SIGLECL1: variants seen among roughly 807,000 people sequenced by gnomAD.
SIGLECL1 encodes the protein SIGLEC family-like protein 1.
In SIGLECL1, 16 loss-of-function variants were observed where a neutral mutation model predicts 19.1. The observed-to-expected ratio is 0.84, with a 90% CI of 0.57 to 1.27. SIGLECL1 has a LOEUF of 1.27. Ranked by LOEUF, SIGLECL1 falls within the 50% of genes most tolerant of loss-of-function variation. The probability of loss-of-function intolerance (pLI) is 0.00; values close to 1 mark genes in which losing one functional copy is unlikely to be tolerated. For missense variants in SIGLECL1, 210 were observed against 239.4 expected, an observed-to-expected ratio of 0.88 and a Z score of 0.81; for synonymous variants, 89 against 90.4, an observed-to-expected ratio of 0.98 and a Z score of 0.09.
At position 51,255,607 on chromosome 19, in the gene SIGLECL1, C is replaced by A. The variant is rs373344673; in HGVS notation, c.-191+4062C>A. On this transcript the variant is annotated intron_variant, in intron 1 of 5. Transcript: ENST00000601727. ...ACTCAATAGCAAAAAAATCAAATAACCCAATTAAAAAATGGGCAAGGACCT... is the reference window on the plus strand; with the variant it reads ...ACTCAATAGCAAAAAAATCAAATAAACCAATTAAAAAATGGGCAAGGACCT... Among the ~76,000 whole-genome samples, 286 of 152,142 alleles carry A rather than the reference C, an allele frequency of 1.9e-3. 4 individuals are homozygous for A. In the Middle Eastern group the frequency reaches 0.024, roughly 13 times the overall value.
intron 1 of SIGLECL1, among the ~76,000 whole-genome samples, chr19:51,251,972 T>C (rs1340108841): frequency 6.6e-6 from 1 of 151,874 alleles, no homozygotes; most frequent in Non-Finnish European, 1.5e-5. Flanking sequence ...TTGAGAGACA[T>C]GATGGTGAAG....
chr19:51,248,867 T>A (rs1205470188), upstream of SIGLECL1, among the ~76,000 whole-genome samples: 1 of 152,196 alleles, frequency 6.6e-6, no homozygotes, highest in Non-Finnish European at 1.5e-5. Context: ...TGGTTAAGCC[T>A]AAGTTTCATT....
chr19:51,261,162 T>C (rs1043360888), intron 1 of SIGLECL1, among the ~76,000 whole-genome samples: 2 of 152,252 alleles, frequency 1.3e-5, no homozygotes, highest in African/African-American at 4.8e-5. Flanking sequence ...TTAGGAGATA[T>C]GCCATTCTAT....
Position 51,266,514 on chromosome 19 carries a change from T to TAA in SIGLECL1, c.410+648_410+649dup, listed in dbSNP as rs34989367. On this transcript the variant is annotated intron_variant, in intron 4 of 5. Transcript: ENST00000601727. ...ATGTATAAACAAATATTCCAAAATC[T>TAA]AAAAAAAAAAAAAAAAATTGAAATC... Among the ~76,000 whole-genome samples the TAA allele has an allele frequency of 3.9e-3, 542 of 137,278 alleles. 3 individuals are homozygous for TAA. Among genetic ancestry groups the TAA allele is most frequent in the African/African-American group, 0.013 (501 of 38,404 alleles). The allele number at this position is 137,278 out of a possible 152,430, so 90.1% of individuals were successfully genotyped here.
chr19:51,268,663 T>G lies in SIGLECL1; in HGVS notation c.*66T>G. On this transcript the variant is annotated 3_prime_UTR_variant, in exon 6 of 6. Transcript: ENST00000601727. Reference sequence around the variant, plus strand: ...CTGGAATTACAAAGATCTGCAAAATTTATAGCGCTCACAGAAACCCTGGAG... The same window carrying G: ...CTGGAATTACAAAGATCTGCAAAATGTATAGCGCTCACAGAAACCCTGGAG... The G allele has an allele frequency of 6.5e-7, 1 of 1,538,732 alleles. No homozygotes were observed. Among genetic ancestry groups the G allele is most frequent in the African/African-American group, 1.4e-5 (1 of 72,546 alleles).
At chr19:51,247,284 T>C (rs1045396500), upstream of SIGLECL1, among the ~76,000 whole-genome samples, 2 of 152,198 alleles carry the variant, frequency 1.3e-5, no homozygotes, top group Non-Finnish European at 2.9e-5. Context: ...TTGTCAGGTG[T>C]CTATCAGGGT....
At chr19:51,248,280 A>G (rs766762563), upstream of SIGLECL1, among the ~76,000 whole-genome samples, 22 of 152,214 alleles carry the variant, frequency 1.4e-4, no homozygotes, top group Admixed American at 3.9e-4. Context: ...CTTGTGTGCT[A>G]TTTAAACATT....
At position 51,267,514 on chromosome 19, in the gene SIGLECL1, TGA is replaced by T; in HGVS notation, c.556_557del (p.Ser186ProfsTer8). ...GAAAACCCGTAGTCGCCACATTTTC[TGA>T]GAGCCGGATATTGGTATGTACCTAT... ...PGKPVVATFSESRILEKQDKR... is the reference protein window; with the variant it reads ...PGKPVVATFSXSRILEKQDKR... On this transcript the variant is annotated frameshift_variant, in exon 5 of 6. Transcript: ENST00000601727. LOFTEE classifies it low-confidence loss of function (END_TRUNC). 3 of 1,614,226 alleles carry T rather than the reference TGA, an allele frequency of 1.9e-6. No homozygotes were observed. The highest frequency in any genetic ancestry group is 2.2e-5 in the East Asian group (1 of 44,882).
intron 1 of SIGLECL1, among the ~76,000 whole-genome samples, chr19:51,257,221 A>C (rs945412692): frequency 6.6e-6 from 1 of 152,062 alleles, no homozygotes; most frequent in South Asian, 2.1e-4. Flanking sequence ...AGCCTGGGCA[A>C]CATAACAAGA....
At chr19:51,246,473 A>C (rs185057903), upstream of SIGLECL1, 1 of 152,182 alleles carries the variant, frequency 6.6e-6, no homozygotes, top group Non-Finnish European at 1.5e-5. Flanking sequence ...TTGGGGCTGG[A>C]TAATTCTTTG....
intron 4 of SIGLECL1, 72 bp downstream of exon 4, chr19:51,265,954 G>A (rs1337931549): frequency 1.3e-6 from 2 of 1,496,244 alleles, no homozygotes; most frequent in Non-Finnish European, 1.9e-6. Context: ...CTGGCACAGA[G>A]AGAGCAAAGA....
intron 1 of SIGLECL1, among the ~76,000 whole-genome samples, chr19:51,252,601 T>C (rs531341639): frequency 7.6e-4 from 115 of 151,878 alleles, no homozygotes; most frequent in African/African-American, 2.7e-3. Context: ...GAAAAAAAAA[T>C]TGACAATGCA....
chr19:51,265,625 GCTTTGAGCATC>G lies in SIGLECL1; in HGVS notation c.283_293del (p.Leu95ThrfsTer61), dbSNP rs755290333. The G allele has an allele frequency of 4.3e-6, 7 of 1,614,058 alleles. No homozygotes were observed. In the Admixed American group the frequency reaches 1.0e-4, roughly 23 times the overall value. On this transcript the variant is annotated frameshift_variant, in exon 3 of 6. Transcript: ENST00000601727. LOFTEE classifies it high-confidence loss of function. The stretch of plus-strand genomic sequence containing the variant: ...GGGGAAGAACCAAAACGGAACCCAT[GCTTTGAGCATC>G]CTACTGATGTCAAGTGAGGGTGGAG...
chr19:51,252,027 G>A (rs559941477), intron 1 of SIGLECL1, among the ~76,000 whole-genome samples: 29 of 152,344 alleles, frequency 1.9e-4, no homozygotes, highest in African/African-American at 7.0e-4. Flanking sequence ...GCTGGGCGCA[G>A]TGGCTCACGT....
At chr19:51,249,804 G>A (rs924202935), upstream of SIGLECL1, among the ~76,000 whole-genome samples, 5 of 152,168 alleles carry the variant, frequency 3.3e-5, no homozygotes, top group Non-Finnish European at 5.9e-5. Flanking sequence ...ATAGAGTAAC[G>A]TGGAAGCAAG....
chr19:51,259,593 G>C (rs990353910), intron 1 of SIGLECL1, among the ~76,000 whole-genome samples: 1 of 152,238 alleles, frequency 6.6e-6, no homozygotes, highest in Non-Finnish European at 1.5e-5. Context: ...CCAATGGAGA[G>C]ACAACTAGCT....
chr19:51,252,338 G>C (rs570168341), intron 1 of SIGLECL1, among the ~76,000 whole-genome samples: 17 of 151,962 alleles, frequency 1.1e-4, no homozygotes, highest in African/African-American at 4.1e-4. Flanking sequence ...AAATATAATG[G>C]GTGCATGACG....
At chr19:51,263,780 A>C (rs1242826423) in intron 1 of SIGLECL1, 103 bp from the exon 2 acceptor site, 1 of 287,534 alleles carries the variant, frequency 3.5e-6, no homozygotes, top group Non-Finnish European at 6.5e-6. Context: ...TAAAACAAAG[A>C]ATAAAGCAGA....
chr19:51,265,559 C>G lies in SIGLECL1; in HGVS notation c.214C>G (p.Leu72Val). Residue 72 changes from leucine (L) to valine (V), a missense_variant, in exon 3 of 6, where the codon CTA (leucine) becomes GTA (valine). Coordinates refer to ENST00000601727, the MANE Select transcript of SIGLECL1 (RefSeq NM_001385465.1). ...CCCCTGGGCTAACAGCACCATCAGC[C>G]TAACTGAAGAGCCAGAAATGGGCAT... is the stretch of plus-strand genomic sequence containing the variant. ...LGPWANSTIS[L>V]TEEPEMGMRL... is the part of the protein sequence containing the mutation. The G allele has an allele frequency of 6.2e-7, 1 of 1,614,182 alleles. No individual in the cohort carries two copies. Among genetic ancestry groups the G allele is most frequent in the East Asian group, 2.2e-5 (1 of 44,876 alleles).
Sources: allele counts gnomAD v4.1 joint callset (sites outside exome capture counted in the v4.1 genomes callset), GRCh38; gene constraint gnomAD v4.1.1; transcripts MANE v1.5; gene names NCBI Gene and HGNC (gene_info 2026-07-23, HGNC 2026-07-21).